The following ZNF385B variants were observed in gnomAD, a reference collection of about 807,000 sequenced individuals.
The protein encoded by ZNF385B is zinc finger protein 385B.
Under a neutral mutation model 39.2 loss-of-function variants are expected in ZNF385B, and 23 were observed. That is an observed-to-expected ratio of 0.59 (90% confidence interval 0.42 to 0.83). The LOEUF is 0.83. Among genes scored for constraint, ZNF385B ranks in the 40% least tolerant of loss-of-function variants. ZNF385B has a pLI of 0.00. For missense variants in ZNF385B, 552 were observed against 598.9 expected (o/e 0.92, Z 0.82); for synonymous variants, 205 against 222.6 (o/e 0.92, Z 0.70).
chr2:179,760,223 C>CGCGCGTGCGTGT (rs11282329), intron 3 of ZNF385B, among the ~76,000 whole-genome samples: 1 of 144,476 alleles, frequency 6.9e-6, no homozygotes, highest in Admixed American at 6.9e-5. Flanking sequence ...TTCCTGTGTG[C>CGCGCGTGCGTGT]GTGTGTGTGT....
chr2:179,592,783 T>G (rs888237176), intron 3 of ZNF385B, among the ~76,000 whole-genome samples: 2 of 152,194 alleles, frequency 1.3e-5, no homozygotes, highest in Non-Finnish European at 2.9e-5. Flanking sequence ...TCTAAACTGC[T>G]CATGGAAGGT....
intron 3 of ZNF385B, among the ~76,000 whole-genome samples, chr2:179,637,532 T>A (rs1691870863): frequency 6.6e-6 from 1 of 151,922 alleles, no homozygotes. Context: ...TATTAGGAAC[T>A]CTGGATATCT....
At chr2:179,679,610 GT>G (rs1697325195) in intron 3 of ZNF385B, among the ~76,000 whole-genome samples, 1 of 124,234 alleles carries the variant, frequency 8.0e-6, no homozygotes, top group Non-Finnish European at 1.8e-5. Flanking sequence ...TATTGTTGTT[GT>G]TGTTGTTGTT....
At chr2:179,622,446 C>G (rs1055456949) in intron 3 of ZNF385B, among the ~76,000 whole-genome samples, 1 of 152,108 alleles carries the variant, frequency 6.6e-6, no homozygotes, top group Non-Finnish European at 1.5e-5. Flanking sequence ...TGGAAAATCC[C>G]TAAGAAAAAT....
intron 5 of ZNF385B, among the ~76,000 whole-genome samples, chr2:179,508,133 G>C (rs184127474): frequency 2.0e-5 from 3 of 152,096 alleles, no homozygotes; most frequent in Admixed American, 1.3e-4. Context: ...GTCTTAAACT[G>C]TAAAAACTAT....
chr2:179,534,835 C>T (rs371895353), intron 4 of ZNF385B: 1 of 152,086 alleles, frequency 6.6e-6, no homozygotes, highest in East Asian at 1.9e-4. Flanking sequence ...TCCCAAAGAA[C>T]TCTCCAAATG....
chr2:179,604,148 A>C (rs1688618513), intron 3 of ZNF385B, among the ~76,000 whole-genome samples: 1 of 152,164 alleles, frequency 6.6e-6, no homozygotes, highest in African/African-American at 2.4e-5. Flanking sequence ...AGCCAAGTCC[A>C]TTCTGAACAC....
intron 6 of ZNF385B, among the ~76,000 whole-genome samples, chr2:179,454,575 G>A (rs1220789567): frequency 6.6e-6 from 1 of 152,096 alleles, no homozygotes; most frequent in Non-Finnish European, 1.5e-5. Flanking sequence ...CTAGAAGAAG[G>A]CATTGTTATC....
chr2:179,733,700 A>G (rs756834797), intron 3 of ZNF385B, among the ~76,000 whole-genome samples: 106 of 150,230 alleles, frequency 7.1e-4, no homozygotes, highest in Non-Finnish European at 9.5e-4. Context: ...GGAGAATGGC[A>G]TGAACCCGGG....
chr2:179,525,721 A>AAT (rs553894044), intron 4 of ZNF385B, among the ~76,000 whole-genome samples: 32 of 152,178 alleles, frequency 2.1e-4, no homozygotes, highest in Non-Finnish European at 3.5e-4. Context: ...TTCCTTCTTG[A>AAT]ATATCAGCCT....
At chr2:179,517,920 T>C (rs2105801870) in intron 5 of ZNF385B, among the ~76,000 whole-genome samples, 1 of 152,264 alleles carries the variant, frequency 6.6e-6, no homozygotes, top group East Asian at 1.9e-4. Context: ...ATATTTTATG[T>C]TCTGGGAAAA....
intron 3 of ZNF385B, among the ~76,000 whole-genome samples, chr2:179,697,735 C>T (rs10196293): frequency 3.3e-5 from 5 of 151,686 alleles, no homozygotes; most frequent in Non-Finnish European, 7.4e-5. Context: ...TAAATGGAAA[C>T]GAAATTTGTA....
At chr2:179,617,481 C>T (rs1248309199) in intron 3 of ZNF385B, among the ~76,000 whole-genome samples, 2 of 152,088 alleles carry the variant, frequency 1.3e-5, no homozygotes, top group East Asian at 3.9e-4. Context: ...AATGCATCAA[C>T]TTTCTATTTT....
intron 1 of ZNF385B, among the ~76,000 whole-genome samples, chr2:179,797,588 C>T (rs1396311785): frequency 1.3e-5 from 2 of 152,148 alleles, no homozygotes; most frequent in Non-Finnish European, 2.9e-5. Flanking sequence ...TTCCTCTTCA[C>T]ATTTTTTTCT....
At position 179,623,867 on chromosome 2, in the gene ZNF385B, A is replaced by T. The variant is rs115430973; in HGVS notation, c.299-78898T>A. 6.2e-3 allele frequency among the ~76,000 whole-genome samples: 947 copies of T among 152,322 alleles called. 8 individuals are homozygous for T. Among genetic ancestry groups the T allele is most frequent in the African/African-American group, 0.022 (915 of 41,566 alleles). ...TAACAACTAAACCTTCTGATTTTACAAATAAATTATAGCCAAACATTTTCT... is the reference window on the plus strand; with the variant it reads ...TAACAACTAAACCTTCTGATTTTACTAATAAATTATAGCCAAACATTTTCT... On this transcript the variant is annotated intron_variant, in intron 3 of 9. Coordinates refer to ENST00000410066, the MANE Select transcript of ZNF385B (RefSeq NM_152520.6).
rs1169698339 is a variant in ZNF385B, at chr2:179,518,586, G to A, written c.494C>T (p.Pro165Leu). ...AGAAATAACTTGTTTCTTCTTTGGGGGAATGGATACTCCAAATGTATGGTT... is the reference window on the plus strand; with the variant it reads ...AGAAATAACTTGTTTCTTCTTTGGGAGAATGGATACTCCAAATGTATGGTT... The part of the protein sequence containing the change: ...VINHTFGVSI[P>L]PKKKQVISCN... The change falls in exon 5 of 10, where the codon CCC (proline) becomes CTC (leucine). Residue 165 changes from proline to leucine, a missense_variant. Transcript: ENST00000410066. 10 of 1,608,574 alleles carry A rather than the reference G, an allele frequency of 6.2e-6. No individual in the cohort carries two copies. Among genetic ancestry groups the A allele is most frequent in the Non-Finnish European group, 8.5e-6 (10 of 1,178,098 alleles).
At chr2:179,745,940 C>G (rs1702357998) in intron 3 of ZNF385B, 1 of 1,233,278 alleles carries the variant, frequency 8.1e-7, no homozygotes, top group Non-Finnish European at 1.0e-6. Flanking sequence ...CCTTTACATG[C>G]TGGCAACATT....
At chr2:179,497,656 G>A (rs981553369) in intron 5 of ZNF385B, among the ~76,000 whole-genome samples, 1 of 150,800 alleles carries the variant, frequency 6.6e-6, no homozygotes, top group Non-Finnish European at 1.5e-5. Context: ...AGGAAGGAAG[G>A]AAGAGAAGAC....
intron 3 of ZNF385B, among the ~76,000 whole-genome samples, chr2:179,587,652 A>G (rs1227613638): frequency 6.6e-6 from 1 of 151,946 alleles, no homozygotes; most frequent in Admixed American, 6.6e-5. Context: ...TTTAGGTACC[A>G]TAAACAAAAA....
Sources: gnomAD v4.1 joint callset for allele counts (sites outside exome capture counted in the v4.1 genomes callset) on GRCh38, gnomAD v4.1.1 for gene constraint, MANE v1.5 for transcripts, NCBI Gene and HGNC (gene_info 2026-07-23, HGNC 2026-07-21) for gene names.